The following FRMPD3 variants were observed in gnomAD, a reference collection of about 807,000 sequenced individuals.
The protein encoded by FRMPD3 is FERM and PDZ domain-containing protein 3.
FRMPD3 carries 42 observed loss-of-function variants against 97.9 expected under a neutral mutation model. The ratio of observed to expected loss-of-function variants is 0.43; its 90% CI spans 0.34 to 0.55. The LOEUF (loss-of-function observed/expected upper bound fraction) is 0.55. Among genes scored for constraint, FRMPD3 ranks in the 20% least tolerant of loss-of-function variants. FRMPD3 has a pLI of 0.03. For missense variants in FRMPD3, 1,303 were observed against 1,457.7 expected (o/e 0.89, Z 1.73); for synonymous variants, 577 against 581.1 (o/e 0.99, Z 0.10).
intron 8 of FRMPD3, 92 bp from the exon 9 acceptor site, chrX:107,560,165 A>G (rs746496490): frequency 9.3e-5 from 96 of 1,029,108 alleles, no homozygotes; most frequent in South Asian, 2.2e-4. Context: ...TACTGATACT[A>G]TGAGTATTGT....
In FRMPD3 at chrX:107,601,663, G is replaced by A. The variant is rs1350519418; in HGVS notation, c.3624G>A (p.Lys1208=). 1 of 1,209,546 alleles carries A rather than the reference G, an allele frequency of 8.3e-7. No individual in the cohort carries two copies. The highest frequency in any genetic ancestry group is 1.1e-6 in the Non-Finnish European group (1 of 895,257). The change falls in exon 15 of 15, where the codon AAG becomes AAA. Residue 1208 remains lysine, a synonymous_variant. Transcript: ENST00000683843. Reference sequence around the variant, plus strand: ...CCTCTGAAGGCCCTGCCAAACCCAAGTCATCCCGAGGTCCTTTCCGGCTAC... The same window carrying A: ...CCTCTGAAGGCCCTGCCAAACCCAAATCATCCCGAGGTCCTTTCCGGCTAC... ...HSTSEGPAKP[K]SSRGPFRLRN... is the part of the protein sequence containing the mutation.
chrX:107,460,343 C>T (rs1015330412), intron 1 of FRMPD3, among the ~76,000 whole-genome samples: 9 of 110,918 alleles, frequency 8.1e-5, no homozygotes, highest in African/African-American at 3.0e-4. Context: ...TTTATCATCC[C>T]ACTTCTAACC....
At chrX:107,598,395 G>T (rs772805021) in intron 14 of FRMPD3, among the ~76,000 whole-genome samples, 14 of 112,364 alleles carry the variant, frequency 1.2e-4, no homozygotes, top group African/African-American at 4.5e-4. Context: ...AGATCCCAGG[G>T]ATTGGGGTCA....
Position 107,601,377 on chromosome X carries a change from C to T in FRMPD3, c.3338C>T (p.Pro1113Leu), listed in dbSNP as rs1924498493. 1 of 1,206,124 alleles carries T rather than the reference C, an allele frequency of 8.3e-7. No homozygotes were observed. The highest frequency in any genetic ancestry group is 2.2e-5 in the Admixed American group (1 of 45,326). Reference sequence around the variant, plus strand: ...GAGAAGGCGCAGCTGGAGAGCACACCCAAAAGAAGCAAGCTCGAAGAGACC... The same window carrying T: ...GAGAAGGCGCAGCTGGAGAGCACACTCAAAAGAAGCAAGCTCGAAGAGACC... ...QGEKAQLEST[P>L]KRSKLEETSL... The change falls in exon 15 of 15, where the codon CCC becomes CTC. Residue 1113 changes from proline (P) to leucine (L), a missense_variant. By Grantham distance (98) the Pro-to-Leu change is moderately conservative (BLOSUM62 -3). This residue lies in a region of FRMPD3 where 764 missense variants were observed against 820.2 expected (regional missense o/e 0.93). Transcript: ENST00000683843.
At chrX:107,571,186 A>G (rs757158160) in intron 12 of FRMPD3, among the ~76,000 whole-genome samples, 1 of 111,934 alleles carries the variant, frequency 8.9e-6, no homozygotes, top group Non-Finnish European at 1.9e-5. Flanking sequence ...TATGTGTCCT[A>G]TTCTCATGTT....
chrX:107,576,079 T>C (rs1348445021), intron 12 of FRMPD3, among the ~76,000 whole-genome samples: 1 of 112,365 alleles, frequency 8.9e-6, no homozygotes, highest in Non-Finnish European at 1.9e-5. Flanking sequence ...GCAAAGGTGG[T>C]TCATTAAATG....
intron 4 of FRMPD3, 162 bp from the exon 5 acceptor site, chrX:107,545,575 T>C: frequency 2.3e-6 from 1 of 426,240 alleles, no homozygotes; most frequent in Non-Finnish European, 4.1e-6. Context: ...GGGAAGCATT[T>C]AGCACATTGC....
rs1182882757 is a variant in FRMPD3 at position 107,530,505 on chromosome X, TTA to T, written c.247_248del (p.Ile83GlnfsTer4). On this transcript the variant is annotated frameshift_variant, in exon 3 of 15. Coordinates refer to ENST00000683843, the MANE Select transcript of FRMPD3 (RefSeq NM_001388459.1). LOFTEE classifies it high-confidence loss of function. ...GCCCCGAGGGAGAGACTCATAGAAC[TTA>T]TCAGGTAACAGGGGCCTTTTGGCAG... 8.5e-7 allele frequency: 1 copy of T among 1,172,664 alleles called. No individual in the cohort carries two copies. The highest frequency in any genetic ancestry group is 2.4e-5 in the Admixed American group (1 of 42,107).
intron 1 of FRMPD3, among the ~76,000 whole-genome samples, chrX:107,458,745 T>C (rs770707927): frequency 1.4e-4 from 16 of 111,164 alleles, no homozygotes; most frequent in Admixed American, 8.6e-4. Context: ...TTATGCATAG[T>C]GATTCAGGAT....
At chrX:107,472,256 C>T (rs1007622498) in intron 1 of FRMPD3, among the ~76,000 whole-genome samples, 19 of 111,882 alleles carry the variant, frequency 1.7e-4, no homozygotes, top group African/African-American at 5.8e-4. Flanking sequence ...CCTGTTCACT[C>T]TGATGATCGT....
At chrX:107,464,648 T>G (rs1433926974) in intron 1 of FRMPD3, among the ~76,000 whole-genome samples, 1 of 111,341 alleles carries the variant, frequency 9.0e-6, no homozygotes, top group Non-Finnish European at 1.9e-5. Context: ...GTAGCCAGAG[T>G]GCTTTTATTA....
intron 14 of FRMPD3, 66 bp downstream of exon 14, chrX:107,598,208 C>G: frequency 1.0e-6 from 1 of 960,802 alleles, no homozygotes; most frequent in Non-Finnish European, 1.4e-6. Context: ...CAGTAGGTAA[C>G]ATTGTGTCTT....
intron 12 of FRMPD3, among the ~76,000 whole-genome samples, chrX:107,574,563 A>G (rs1923034256): frequency 8.9e-6 from 1 of 112,416 alleles, no homozygotes; most frequent in South Asian, 3.7e-4. Context: ...ACTACAAAAT[A>G]TTCAACTCAG....
At chrX:107,560,908 G>A (rs1922337307) in intron 10 of FRMPD3, 55 bp downstream of exon 10, 3 of 1,120,939 alleles carry the variant, frequency 2.7e-6, no homozygotes, top group Non-Finnish European at 2.4e-6. Context: ...GCCACAGGGA[G>A]ATCCTGGGTG....
chrX:107,599,595 C>G (rs917022325), intron 14 of FRMPD3, among the ~76,000 whole-genome samples: 2 of 112,225 alleles, frequency 1.8e-5, no homozygotes, highest in Non-Finnish European at 3.8e-5. Context: ...AGAGAGACCT[C>G]TCTTTGCCAG....
chrX:107,524,136 C>T (rs757233703), intron 1 of FRMPD3, among the ~76,000 whole-genome samples: 2 of 112,360 alleles, frequency 1.8e-5, no homozygotes, highest in South Asian at 3.7e-4. Flanking sequence ...GCAAAGGGCT[C>T]ATTTTCCAAA....
At chrX:107,544,673 C>G (rs1199655628) in intron 4 of FRMPD3, 1 of 111,809 alleles carries the variant, frequency 8.9e-6, no homozygotes, top group Non-Finnish European at 1.9e-5. Flanking sequence ...CTCCTGTATT[C>G]CTAATTGCTG....
intron 1 of FRMPD3, among the ~76,000 whole-genome samples, chrX:107,464,541 C>T (rs971577186): frequency 9.0e-6 from 1 of 110,885 alleles, no homozygotes; most frequent in Non-Finnish European, 1.9e-5. Flanking sequence ...TAGTCACTTT[C>T]CTTTGGCAAC....
intron 4 of FRMPD3, 21 bp downstream of exon 4, chrX:107,533,571 T>C (rs773686386): frequency 1.7e-6 from 2 of 1,187,437 alleles, no homozygotes; most frequent in Non-Finnish European, 2.3e-6. Context: ...CTCTTTGCCA[T>C]CTGCCCTTCC....
Sources: gnomAD v4.1 joint callset for allele counts (sites outside exome capture counted in the v4.1 genomes callset) on GRCh38, gnomAD v4.1.1 for gene constraint, gnomAD v4.1.1 regional missense constraint, MANE v1.5 for transcripts, NCBI Gene and HGNC (gene_info 2026-07-23, HGNC 2026-07-21) for gene names.